The following CERT1 variants were observed in gnomAD, a reference collection of about 807,000 sequenced individuals.
The protein encoded by CERT1 is ceramide transfer protein.
Under a neutral mutation model 87.9 loss-of-function variants are expected in CERT1, and 31 were observed. That is an observed-to-expected ratio of 0.35 (90% confidence interval 0.27 to 0.48). CERT1 has a LOEUF of 0.48. Ranked by LOEUF, CERT1 falls within the 20% of genes least tolerant of loss-of-function variation. The pLI is 0.99. For missense variants in CERT1, 487 were observed against 758.0 expected, an observed-to-expected ratio of 0.64 and a Z score of 4.20; for synonymous variants, 289 against 250.9, an observed-to-expected ratio of 1.15 and a Z score of -1.44.
intron 3 of CERT1, among the ~76,000 whole-genome samples, chr5:75,456,569 G>A (rs1764989895): frequency 6.6e-6 from 1 of 151,166 alleles, no homozygotes; most frequent in African/African-American, 2.4e-5. Context: ...AGCTACTTGG[G>A]AGGCTAAGGT....
downstream of CERT1, chr5:75,377,423 T>C (rs1036146067): frequency 6.6e-6 from 1 of 152,210 alleles, no homozygotes; most frequent in African/African-American, 2.4e-5. Context: ...CAAAATGACA[T>C]ATGGATACAA....
intron 11 of CERT1, among the ~76,000 whole-genome samples, chr5:75,396,543 A>G (rs923671236): frequency 6.6e-6 from 1 of 152,048 alleles, no homozygotes; most frequent in African/African-American, 2.4e-5. Flanking sequence ...CCTGGCCAAC[A>G]TGGTGAAACC....
chr5:75,374,093 C>G (rs761836500), downstream of CERT1: 4 of 397,188 alleles, frequency 1.0e-5, no homozygotes, highest in Non-Finnish European at 1.8e-5. Context: ...TCTTGGGCCA[C>G]AGACAAGGCT....
chr5:75,484,513 G>A (rs11746245), intron 2 of CERT1, among the ~76,000 whole-genome samples: 12,215 of 144,960 alleles, frequency 0.084, 572 homozygotes, highest in South Asian at 0.13. Context: ...AGAAATACAC[G>A]TCATCTATAA....
chr5:75,422,835 G>A (rs915337976), intron 5 of CERT1, among the ~76,000 whole-genome samples: 1 of 152,138 alleles, frequency 6.6e-6, no homozygotes, highest in Non-Finnish European at 1.5e-5. Flanking sequence ...CACTATGACT[G>A]TACAATATGC....
At chr5:75,405,272 C>T (rs949183615) in intron 8 of CERT1, among the ~76,000 whole-genome samples, 8 of 151,966 alleles carry the variant, frequency 5.3e-5, no homozygotes, top group African/African-American at 1.9e-4. Flanking sequence ...TCCTAAATTC[C>T]CCTCTCCCTC....
chr5:75,440,822 C>T (rs1043819192), intron 3 of CERT1, among the ~76,000 whole-genome samples: 1 of 152,020 alleles, frequency 6.6e-6, no homozygotes, highest in Non-Finnish European at 1.5e-5. Flanking sequence ...AGTAGAGGGC[C>T]ATAACAGCTG....
chr5:75,406,680 C>CTCGGGATT (rs1470378502), intron 8 of CERT1, among the ~76,000 whole-genome samples: 195 of 152,068 alleles, frequency 1.3e-3, no homozygotes, highest in African/African-American at 4.5e-3. Flanking sequence ...GATGGGACTA[C>CTCGGGATT]AGGTGCACAC....
chr5:75,492,052 C>G (rs1440042526), intron 2 of CERT1, among the ~76,000 whole-genome samples: 1 of 152,072 alleles, frequency 6.6e-6, no homozygotes, highest in African/African-American at 2.4e-5. Context: ...TTTAAAAAAT[C>G]TGATAGTAAT....
chr5:75,438,084 T>G (rs1764169952), intron 3 of CERT1, among the ~76,000 whole-genome samples: 1 of 152,108 alleles, frequency 6.6e-6, no homozygotes, highest in African/African-American at 2.4e-5. Context: ...TTTTGGTGAT[T>G]TTAGAATAAA....
At chr5:75,465,687 T>C (rs1293092470) in intron 2 of CERT1, among the ~76,000 whole-genome samples, 4 of 152,220 alleles carry the variant, frequency 2.6e-5, no homozygotes, top group African/African-American at 9.6e-5. Flanking sequence ...TGGACAGGAC[T>C]GCTTCCACTT....
At chr5:75,369,456 C>A (rs184484495) in intron 17 of CERT1, 1 of 152,080 alleles carries the variant, frequency 6.6e-6, no homozygotes, top group Non-Finnish European at 1.5e-5. Flanking sequence ...CTTTCTAGTC[C>A]ATCAAACACT....
intron 2 of CERT1, among the ~76,000 whole-genome samples, chr5:75,489,724 G>A (rs1401745977): frequency 1.3e-5 from 2 of 152,184 alleles, no homozygotes; most frequent in Non-Finnish European, 2.9e-5. Context: ...TCATTAAAAA[G>A]TCAGGAAACA....
intron 1 of CERT1, among the ~76,000 whole-genome samples, chr5:75,509,198 C>CTTA (rs1448419303): frequency 1.3e-5 from 2 of 152,048 alleles, no homozygotes; most frequent in Non-Finnish European, 2.9e-5. Context: ...TGTACCGGGA[C>CTTA]TTATTTACAT....
At chr5:75,379,592 T>G (rs988784104) in intron 16 of CERT1, 119 bp from the exon 17 acceptor site, 3 of 941,790 alleles carry the variant, frequency 3.2e-6, no homozygotes, top group Non-Finnish European at 4.7e-6. Flanking sequence ...TAGCATCTTT[T>G]TTTTTTCTTT....
intron 2 of CERT1, among the ~76,000 whole-genome samples, chr5:75,485,144 C>A (rs1766449482): frequency 6.6e-6 from 1 of 151,414 alleles, no homozygotes; most frequent in Admixed American, 6.6e-5. Flanking sequence ...TTTTTTGAAA[C>A]AAATGAAAGT....
At chr5:75,480,975 C>A (rs1393519706) in intron 2 of CERT1, among the ~76,000 whole-genome samples, 1 of 152,128 alleles carries the variant, frequency 6.6e-6, no homozygotes, top group Non-Finnish European at 1.5e-5. Flanking sequence ...TCCCTGCCTC[C>A]TACAATCTAT....
intron 3 of CERT1, among the ~76,000 whole-genome samples, chr5:75,429,623 G>A (rs1763782969): frequency 6.6e-6 from 1 of 152,072 alleles, no homozygotes; most frequent in Non-Finnish European, 1.5e-5. Flanking sequence ...GTTTATGGCT[G>A]CAGTAAGCTC....
chr5:75,468,844 A>G (rs1765578529), intron 2 of CERT1, among the ~76,000 whole-genome samples: 1 of 152,190 alleles, frequency 6.6e-6, no homozygotes, highest in African/African-American at 2.4e-5. Flanking sequence ...CCAGACTGCA[A>G]ACATTCCAAT....
Sources: allele counts gnomAD v4.1 joint callset (sites outside exome capture counted in the v4.1 genomes callset), GRCh38; gene constraint gnomAD v4.1.1; transcripts MANE v1.5; gene names NCBI Gene and HGNC (gene_info 2026-07-23, HGNC 2026-07-21).